Variants in ATP8A2 observed in about 807,000 individuals in gnomAD.
The protein encoded by ATP8A2 is ATPase phospholipid transporting 8A2.
A neutral mutation model predicts 165.6 loss-of-function variants in ATP8A2; 100 were observed. The ratio of observed to expected loss-of-function variants is 0.60; its 90% CI spans 0.51 to 0.71. ATP8A2 has a LOEUF of 0.71. Among genes scored for constraint, ATP8A2 ranks in the 30% least tolerant of loss-of-function variants. ATP8A2 has a pLI of 0.00. For missense variants in ATP8A2, 1,227 were observed against 1,479.5 expected (o/e 0.83, Z 2.80); for synonymous variants, 543 against 548.8 (o/e 0.99, Z 0.15).
Position 25,558,960 on chromosome 13 carries a change from T to A in ATP8A2, c.1264-13T>A. 1.3e-6 allele frequency: 2 copies of A among 1,553,650 alleles called. No homozygotes were observed. The highest frequency in any genetic ancestry group is 2.7e-5 in the African/African-American group (2 of 73,214). On this transcript the variant is annotated splice_polypyrimidine_tract_variant and intron_variant, in intron 13 of 36. Transcript: ENST00000381655. ...TACTTCCTGATGTATATTTCTTTTA[T>A]TCTTTGGTTTAGGTGAAATATCTCT... is the stretch of plus-strand genomic sequence containing the variant.
At chr13:25,921,223 G>A (rs192968242) in intron 33 of ATP8A2, among the ~76,000 whole-genome samples, 8 of 152,244 alleles carry the variant, frequency 5.3e-5, no homozygotes, top group Non-Finnish European at 4.4e-5. Flanking sequence ...ATTTAACAGT[G>A]AGGCTAAAAG....
At chr13:25,860,764 T>C (rs1294957890) in intron 31 of ATP8A2, 40 bp from the exon 32 acceptor site, 1 of 1,473,668 alleles carries the variant, frequency 6.8e-7, no homozygotes, top group South Asian at 1.2e-5. Flanking sequence ...AATAACTCAT[T>C]GAGAATAATG....
chr13:25,603,564 G>T (rs1404831341), intron 24 of ATP8A2, among the ~76,000 whole-genome samples: 2 of 152,094 alleles, frequency 1.3e-5, no homozygotes, highest in Admixed American at 6.5e-5. Flanking sequence ...GGAGGCAGGA[G>T]CCCACCTAGT....
chr13:25,738,349 C>CG (rs1566092281), intron 25 of ATP8A2, among the ~76,000 whole-genome samples: 10 of 101,880 alleles, frequency 9.8e-5, no homozygotes, highest in Non-Finnish European at 1.4e-4. Flanking sequence ...CTCCCCCCCC[C>CG]CCACACACAC....
intron 26 of ATP8A2, among the ~76,000 whole-genome samples, chr13:25,772,294 T>C (rs1163911843): frequency 1.3e-5 from 2 of 152,274 alleles, no homozygotes. Flanking sequence ...CATTTTTTTT[T>C]CCTGAAAACA....
intron 2 of ATP8A2, among the ~76,000 whole-genome samples, chr13:25,521,115 T>G (rs2037658560): frequency 6.6e-6 from 1 of 152,238 alleles, no homozygotes; most frequent in African/African-American, 2.4e-5. Flanking sequence ...TTCTGAGAAT[T>G]AGTTACGTTG....
intron 33 of ATP8A2, among the ~76,000 whole-genome samples, chr13:25,886,452 G>A (rs1953158871): frequency 6.6e-6 from 1 of 152,192 alleles, no homozygotes; most frequent in Non-Finnish European, 1.5e-5. Flanking sequence ...ACAATGCCTG[G>A]CAAATGCTGC....
At chr13:25,550,257 G>A (rs1479128972) in intron 10 of ATP8A2, among the ~76,000 whole-genome samples, 1 of 152,014 alleles carries the variant, frequency 6.6e-6, no homozygotes, top group Non-Finnish European at 1.5e-5. Context: ...GTGAGCTGAG[G>A]TCACACCACT....
At chr13:25,756,510 G>A (rs140175751) in intron 25 of ATP8A2, among the ~76,000 whole-genome samples, 3 of 152,212 alleles carry the variant, frequency 2.0e-5, no homozygotes, top group Non-Finnish European at 4.4e-5. Context: ...CCAAATGTGT[G>A]TTTTGAAGAA....
chr13:25,476,824 C>T (rs1038439931), intron 2 of ATP8A2, among the ~76,000 whole-genome samples: 22 of 152,264 alleles, frequency 1.4e-4, no homozygotes, highest in Middle Eastern at 3.4e-3. Flanking sequence ...ACTTTCTGAA[C>T]GTGAATGGCA....
intron 1 of ATP8A2, among the ~76,000 whole-genome samples, chr13:25,420,287 G>T (rs1458970177): frequency 6.6e-6 from 1 of 152,230 alleles, no homozygotes; most frequent in East Asian, 1.9e-4. Context: ...TTGGCCAGAA[G>T]AAGGTTAATA....
intron 1 of ATP8A2, among the ~76,000 whole-genome samples, chr13:25,434,392 A>G (rs545160865): frequency 2.3e-4 from 35 of 151,344 alleles, no homozygotes; most frequent in African/African-American, 8.5e-4. Context: ...TGTGTTGCGC[A>G]GGTTGGAGTG....
At position 25,935,359 on chromosome 13, in the gene ATP8A2, T is replaced by C. The variant is rs551455612; in HGVS notation, c.3184-26216T>C. On this transcript the variant is annotated intron_variant, in intron 33 of 36. Coordinates refer to ENST00000381655, the MANE Select transcript of ATP8A2 (RefSeq NM_016529.6). ...AATGAGTTTAGTCAACTTCCCCTGC[T>C]GGGCAGTTGATTAGATAGAAGGAGA... Among the ~76,000 whole-genome samples the C allele has an allele frequency of 4.5e-4, 68 of 152,342 alleles. 1 individual carries two copies. The highest frequency in any genetic ancestry group is 3.4e-3 in the Middle Eastern group (1 of 294).
chr13:25,391,333 A>T (rs2033237755), intron 1 of ATP8A2, among the ~76,000 whole-genome samples: 2 of 152,180 alleles, frequency 1.3e-5, no homozygotes, highest in South Asian at 4.1e-4. Flanking sequence ...TTCTTCACCC[A>T]TCTATTCATC....
At chr13:25,563,527 T>C (rs1034833919) in intron 15 of ATP8A2, among the ~76,000 whole-genome samples, 4 of 152,220 alleles carry the variant, frequency 2.6e-5, no homozygotes, top group African/African-American at 7.2e-5. Flanking sequence ...AATTATTTGT[T>C]GTCTTCCCTC....
At chr13:26,015,399 C>T (rs1203017143) in intron 36 of ATP8A2, among the ~76,000 whole-genome samples, 1 of 152,124 alleles carries the variant, frequency 6.6e-6, no homozygotes, top group African/African-American at 2.4e-5. Flanking sequence ...ATTTTAGTTC[C>T]TGTGAGCCAC....
chr13:25,669,119 T>G (rs370864621), intron 24 of ATP8A2, among the ~76,000 whole-genome samples: 3 of 152,274 alleles, frequency 2.0e-5, no homozygotes, highest in African/African-American at 7.2e-5. Flanking sequence ...TGTAATTTTT[T>G]TTTTGAAAAC....
rs367722601 is a variant in ATP8A2 at position 25,403,110 on chromosome 13, T to G, written c.76+30822T>G. Among the ~76,000 whole-genome samples, 8 of 152,206 alleles carry G rather than the reference T, an allele frequency of 5.3e-5. No homozygotes were observed. The East Asian group carries it at 1.5e-3, about 29-fold the overall frequency. The stretch of plus-strand genomic sequence containing the variant: ...CTTTTAATACTGCTGCATTGGGGAT[T>G]ACATTTCAATACGAACTGTGGAGGG... On this transcript the variant is annotated intron_variant, in intron 1 of 36. Coordinates refer to ENST00000381655, the MANE Select transcript of ATP8A2 (RefSeq NM_016529.6).
At chr13:25,936,310 C>A (rs1447489343) in intron 33 of ATP8A2, among the ~76,000 whole-genome samples, 1 of 152,168 alleles carries the variant, frequency 6.6e-6, no homozygotes, top group Admixed American at 6.5e-5. Context: ...CAGCACTGGA[C>A]ACAGAACAGA....
Sources: gnomAD v4.1 joint callset for allele counts (sites outside exome capture counted in the v4.1 genomes callset) on GRCh38, gnomAD v4.1.1 for gene constraint, MANE v1.5 for transcripts, NCBI Gene and HGNC (gene_info 2026-07-23, HGNC 2026-07-21) for gene names.